The following RUNX1T1 variants were observed in gnomAD, a reference collection of about 807,000 sequenced individuals.
RUNX1T1 encodes the protein protein CBFA2T1.
A neutral mutation model predicts 62.8 loss-of-function variants in RUNX1T1; 4 were observed. The observed-to-expected ratio is 0.06, with a 90% confidence interval of 0.03 to 0.15. RUNX1T1 has a LOEUF of 0.15. RUNX1T1 is among the 10% of genes least tolerant of loss of function. The pLI is 1.00. For synonymous variants in RUNX1T1, 291 were observed against 286.0 expected (o/e 1.02, Z -0.18); for missense variants, 508 against 754.3 (o/e 0.67, Z 3.82).
intron 2 of RUNX1T1, among the ~76,000 whole-genome samples, chr8:92,070,456 C>T (rs1358458922): frequency 1.3e-5 from 2 of 152,116 alleles, no homozygotes; most frequent in South Asian, 2.1e-4. Context: ...CCTGAGGATA[C>T]ACATAACACT....
downstream of RUNX1T1, chr8:91,955,590 T>A (rs1047777307): frequency 3.1e-5 from 7 of 226,224 alleles, no homozygotes; most frequent in South Asian, 1.3e-3. Flanking sequence ...GGAACCCAGC[T>A]GGCACAAGAA....
upstream of RUNX1T1, among the ~76,000 whole-genome samples, chr8:92,065,940 C>T (rs1359349927): frequency 2.0e-5 from 3 of 152,198 alleles, no homozygotes; most frequent in African/African-American, 7.2e-5. Context: ...CAACCAAATA[C>T]TTTCCTACCC....
chr8:92,017,394 T>C, intron 1 of RUNX1T1, 31 bp from the exon 3 acceptor site: 1 of 1,614,070 alleles, frequency 6.2e-7, no homozygotes. Flanking sequence ...CATATTATTT[T>C]ACTCCTTAAG....
chr8:92,071,808 C>T (rs959388992), intron 2 of RUNX1T1, among the ~76,000 whole-genome samples: 2 of 152,154 alleles, frequency 1.3e-5, no homozygotes, highest in Non-Finnish European at 2.9e-5. Context: ...CCCGAAGCTG[C>T]GGCTCCATGG....
chr8:91,957,847 G>A (rs1809600893), downstream of RUNX1T1: 2 of 223,304 alleles, frequency 9.0e-6, no homozygotes, highest in Admixed American at 5.7e-5. Flanking sequence ...CAGGTGTGCT[G>A]GCAGATGGAC....
intron 4 of RUNX1T1, among the ~76,000 whole-genome samples, chr8:92,008,289 A>G (rs1318987920): frequency 6.6e-6 from 1 of 151,572 alleles, no homozygotes; most frequent in African/African-American, 2.4e-5. Context: ...GCGGGGGGGA[A>G]GTGAAGACTG....
At chr8:92,095,036 G>A (rs534360130) in intron 1 of RUNX1T1, 5 of 1,535,262 alleles carry the variant, frequency 3.3e-6, no homozygotes, top group African/African-American at 1.4e-5. Flanking sequence ...ACCTCGGTGA[G>A]TCCTGTCTGG....
chr8:92,099,374 T>G (rs964059915), intron 1 of RUNX1T1, among the ~76,000 whole-genome samples: 1 of 152,208 alleles, frequency 6.6e-6, no homozygotes, highest in Non-Finnish European at 1.5e-5. Flanking sequence ...TGAATGTAAG[T>G]GCACTCTGCA....
chr8:91,960,345 G>A (rs1422541659), exon 11 of RUNX1T1: 7 of 1,613,786 alleles, frequency 4.3e-6, no homozygotes, highest in Non-Finnish European at 5.9e-6. Flanking sequence ...GCTGTTGGGC[G>A]TGACAGAGGA....
At chr8:92,041,965 A>C (rs980324278) in intron 1 of RUNX1T1, among the ~76,000 whole-genome samples, 1 of 151,474 alleles carries the variant, frequency 6.6e-6, no homozygotes, top group Non-Finnish European at 1.5e-5. Context: ...ATTACAGGCA[A>C]CCACCACCAT....
chr8:91,977,055 A>G (rs765745857), intron 8 of RUNX1T1: 29 of 191,442 alleles, frequency 1.5e-4, no homozygotes, highest in Admixed American at 8.0e-4. Context: ...GGTGCTACAC[A>G]ATGTCAAAAA....
At chr8:91,997,118 C>A (rs960567148) in intron 5 of RUNX1T1, among the ~76,000 whole-genome samples, 82 of 152,204 alleles carry the variant, frequency 5.4e-4, no homozygotes, top group African/African-American at 1.9e-3. Context: ...CAGAGCGAGA[C>A]TCCATCTCAA....
intron 1 of RUNX1T1, among the ~76,000 whole-genome samples, chr8:92,034,879 A>ATT (rs1827111034): frequency 6.6e-6 from 1 of 150,660 alleles, no homozygotes; most frequent in Non-Finnish European, 1.5e-5. Flanking sequence ...CAAATCATGT[A>ATT]TTTTGCAGCA....
chr8:92,005,701 G>C (rs1251654272), intron 4 of RUNX1T1: 1 of 155,870 alleles, frequency 6.4e-6, no homozygotes, highest in African/African-American at 2.4e-5. Context: ...TTTCAGAATA[G>C]TTTCCCTGAC....
At chr8:92,069,139 T>C (rs966451784) in intron 2 of RUNX1T1, among the ~76,000 whole-genome samples, 11 of 151,826 alleles carry the variant, frequency 7.2e-5, no homozygotes, top group African/African-American at 2.4e-4. Flanking sequence ...CCCTATTTTT[T>C]TATTTTTCTG....
At chr8:92,005,612 A>C (rs1301103017) in intron 4 of RUNX1T1, 1 of 247,578 alleles carries the variant, frequency 4.0e-6, no homozygotes. Flanking sequence ...GTATGTGAGA[A>C]CCTAGCTCCA....
At chr8:92,002,570 G>A (rs1819974983) in intron 5 of RUNX1T1, among the ~76,000 whole-genome samples, 2 of 152,000 alleles carry the variant, frequency 1.3e-5, no homozygotes, top group Non-Finnish European at 1.5e-5. Context: ...AATATAGAGC[G>A]CTCTTTTGTT....
At chr8:92,068,964 T>C (rs1239078369) in intron 2 of RUNX1T1, among the ~76,000 whole-genome samples, 3 of 152,144 alleles carry the variant, frequency 2.0e-5, no homozygotes, top group African/African-American at 7.2e-5. Flanking sequence ...ATAGTATTTG[T>C]CCAAAAATAA....
intron 1 of RUNX1T1, among the ~76,000 whole-genome samples, chr8:92,027,712 G>C (rs769903629): frequency 2.0e-5 from 3 of 152,148 alleles, no homozygotes; most frequent in Non-Finnish European, 4.4e-5. Context: ...CCCAGAATCA[G>C]AGATGACTGC....
Sources: allele counts gnomAD v4.1 joint callset (sites outside exome capture counted in the v4.1 genomes callset), GRCh38; gene constraint gnomAD v4.1.1; transcripts MANE v1.5; gene names NCBI Gene and HGNC (gene_info 2026-07-23, HGNC 2026-07-21).